The following OS9 variants were observed in gnomAD, a reference collection of about 807,000 sequenced individuals.
OS9 encodes the protein protein OS-9.
In OS9, 58 loss-of-function variants were observed where a neutral mutation model predicts 84.7. The ratio of observed to expected loss-of-function variants is 0.68; its 90% CI spans 0.55 to 0.85. OS9 has a LOEUF of 0.85. Among genes scored for constraint, OS9 ranks in the 40% least tolerant of loss-of-function variants. The pLI, the probability that OS9 is intolerant of heterozygous loss-of-function variation, is 0.00. For synonymous variants in OS9, 278 were observed against 320.8 expected, an observed-to-expected ratio of 0.87 and a Z score of 1.43; for missense variants, 760 against 850.9, an observed-to-expected ratio of 0.89 and a Z score of 1.33.
chr12:57,695,744 C>G (rs1953806945), intron 2 of OS9, 36 bp from the exon 3 acceptor site: 4 of 1,414,222 alleles, frequency 2.8e-6, no homozygotes, highest in East Asian at 4.6e-5. Flanking sequence ...GATGTCTGCA[C>G]TCCATCCCCC....
At chr12:57,700,127 G>A (rs545425076) in intron 5 of OS9, among the ~76,000 whole-genome samples, 2 of 151,450 alleles carry the variant, frequency 1.3e-5, no homozygotes, top group East Asian at 3.9e-4. Flanking sequence ...AAAAGAAAAA[G>A]AAACTGGAAA....
chr12:57,720,538 G>T lies in OS9; in HGVS notation c.1878+20G>T. ...ATCTTGGTAAGAGGCTTCTACCCCC[G>T]AGTCCTGGCCCCCAGCCCTCCTGGA... On this transcript the variant is annotated intron_variant, in intron 14 of 14. Coordinates refer to ENST00000315970, the MANE Select transcript of OS9 (RefSeq NM_006812.4). 1 of 1,542,156 alleles carries T rather than the reference G, an allele frequency of 6.5e-7. No individual in the cohort carries two copies. Among genetic ancestry groups the T allele is most frequent in the East Asian group, 2.2e-5 (1 of 44,564 alleles).
At chr12:57,697,918 C>CGGA (rs879684185) in intron 5 of OS9, among the ~76,000 whole-genome samples, 22,681 of 74,868 alleles carry the variant, frequency 0.3, 2,797 homozygotes, top group Middle Eastern at 0.38. Context: ...AACACACACA[C>CGGA]ACACATACAC....
At position 57,699,698 on chromosome 12, in the gene OS9, C is replaced by G. The variant is rs567183784; in HGVS notation, c.579+3325C>G. ...ATAAATTCTCTACTTCCAGGCACCC[C>G]TGACCAGTCCTTTGGTTGGACTTAA... On this transcript the variant is annotated intron_variant, in intron 5 of 14. Transcript: ENST00000315970. Among the ~76,000 whole-genome samples, 10 of 152,342 alleles carry G rather than the reference C, an allele frequency of 6.6e-5. No homozygotes were observed. In the South Asian group the frequency reaches 2.1e-3, roughly 32 times the overall value.
In OS9 at chr12:57,694,171, G is replaced by C; in HGVS notation, c.10G>C (p.Glu4Gln). The change falls in exon 1 of 15, where the codon GAA (glutamate) becomes CAA (glutamine). Residue 4 changes from glutamate to glutamine, a missense_variant. By Grantham distance (29) the Glu-to-Gln change is conservative (BLOSUM62 2). Coordinates refer to ENST00000315970, the MANE Select transcript of OS9 (RefSeq NM_006812.4). MAA[E>Q]TLLSSLLGLL... Reference sequence around the variant, plus strand: ...AGAAGGGGAACGAAAGATGGCGGCGGAAACGCTGCTGTCCAGTTTGTTAGG... The same window carrying C: ...AGAAGGGGAACGAAAGATGGCGGCGCAAACGCTGCTGTCCAGTTTGTTAGG... The C allele has an allele frequency of 6.2e-7, 1 of 1,614,164 alleles. No individual in the cohort carries two copies. The highest frequency in any genetic ancestry group is 1.1e-5 in the South Asian group (1 of 91,088).
In OS9 at chr12:57,698,175, T is replaced by C. The variant is rs114854405; in HGVS notation, c.579+1802T>C. ...CAAATAGGTACCTAGAAATTATTCA[T>C]TGAATGAATGAAATGACTGACAAGC... On this transcript the variant is annotated intron_variant, in intron 5 of 14. Transcript: ENST00000315970. Among the ~76,000 whole-genome samples the C allele has an allele frequency of 7.8e-3, 1,191 of 152,298 alleles. 17 individuals carry two copies. The highest frequency in any genetic ancestry group is 0.026 in the African/African-American group (1,067 of 41,574).
rs1461177914 is a variant in OS9 at position 57,694,150 on chromosome 12, G to A, written c.-12G>A. ...CGGAAACAGATTCTCTGCATAAGAA[G>A]GGGAACGAAAGATGGCGGCGGAAAC... On this transcript the variant is annotated 5_prime_UTR_variant, in exon 1 of 15. Coordinates refer to ENST00000315970, the MANE Select transcript of OS9 (RefSeq NM_006812.4). 3.1e-6 allele frequency: 5 copies of A among 1,613,966 alleles called. No individual in the cohort carries two copies. The highest frequency in any genetic ancestry group is 1.7e-5 in the Admixed American group (1 of 60,004).
Position 57,720,171 on chromosome 12 carries a change from C to G in OS9, c.1673C>G (p.Thr558Ser), listed in dbSNP as rs1280350150. The G allele has an allele frequency of 1.2e-6, 2 of 1,614,226 alleles. No individual in the cohort carries two copies. The highest frequency in any genetic ancestry group is 1.7e-6 in the Non-Finnish European group (2 of 1,180,040). The change falls in exon 13 of 15, where the codon ACT becomes AGT. Residue 558 changes from threonine (T) to serine (S), a missense_variant. By Grantham distance (58) the Thr-to-Ser change is moderately conservative. Coordinates refer to ENST00000315970, the MANE Select transcript of OS9 (RefSeq NM_006812.4). ...LRLGGPNQDLTVLEMKRENPQ... is the reference protein window; with the variant it reads ...LRLGGPNQDLSVLEMKRENPQ... ...CTCGGAGGCCCTAATCAGGATCTGACTGTCCTCGAGATGAAACGGGAAAAC... is the reference window on the plus strand; with the variant it reads ...CTCGGAGGCCCTAATCAGGATCTGAGTGTCCTCGAGATGAAACGGGAAAAC...
intron 5 of OS9, among the ~76,000 whole-genome samples, chr12:57,699,859 G>A (rs1273811097): frequency 6.6e-6 from 1 of 152,192 alleles, no homozygotes; most frequent in East Asian, 1.9e-4. Context: ...ACTTTGGGAG[G>A]CCAAGGCAGG....
At chr12:57,709,908 A>G (rs1387348121) in intron 5 of OS9, among the ~76,000 whole-genome samples, 1 of 151,356 alleles carries the variant, frequency 6.6e-6, no homozygotes, top group African/African-American at 2.4e-5. Context: ...GCTGGAGTGC[A>G]GTGGCATGAT....
In OS9 at chr12:57,718,989, C is replaced by T; in HGVS notation, c.1411-4C>T. On this transcript the variant is annotated splice_polypyrimidine_tract_variant and splice_region_variant and intron_variant, in intron 11 of 14. Coordinates refer to ENST00000315970, the MANE Select transcript of OS9 (RefSeq NM_006812.4). ...GACTCACTCTCTTCTCTTGGGTATTCCAGACAGAGAAAGAGCTGGACCCAG... is the reference window on the plus strand; with the variant it reads ...GACTCACTCTCTTCTCTTGGGTATTTCAGACAGAGAAAGAGCTGGACCCAG... 6.2e-7 allele frequency: 1 copy of T among 1,611,400 alleles called. No individual in the cohort carries two copies. The highest frequency in any genetic ancestry group is 8.5e-7 in the Non-Finnish European group (1 of 1,178,494).
chr12:57,714,639 G>T (rs1266894444), intron 5 of OS9, among the ~76,000 whole-genome samples: 1 of 152,150 alleles, frequency 6.6e-6, no homozygotes, highest in Non-Finnish European at 1.5e-5. Flanking sequence ...TTCCACACGG[G>T]TTGGAATGCA....
At chr12:57,707,444 G>A (rs936015237) in intron 5 of OS9, among the ~76,000 whole-genome samples, 2 of 152,204 alleles carry the variant, frequency 1.3e-5, no homozygotes, top group Non-Finnish European at 2.9e-5. Flanking sequence ...AGTCTCACAT[G>A]GTGGAAGCAG....
chr12:57,721,063 C>A lies in OS9; in HGVS notation c.*154C>A. ...GGGCAACTCTGTGGGTGTGGGGGCC[C>A]TGGGTGAATGCTGCTGCCCCTGCTG... On this transcript the variant is annotated 3_prime_UTR_variant, in exon 15 of 15. Transcript: ENST00000315970. The A allele has an allele frequency of 2.5e-6, 2 of 805,930 alleles. No individual in the cohort carries two copies. The highest frequency in any genetic ancestry group is 3.9e-6 in the Non-Finnish European group (2 of 510,064). The allele number at this position is 805,930 out of a possible 1,614,324, so 49.9% of individuals were successfully genotyped here.
Position 57,720,090 on chromosome 12 carries a change from C to A in OS9, c.1601-9C>A. 6.2e-7 allele frequency: 1 copy of A among 1,612,364 alleles called. No individual in the cohort carries two copies. The highest frequency in any genetic ancestry group is 1.1e-5 in the South Asian group (1 of 90,982). Reference sequence around the variant, plus strand: ...GCTTTGTGTTTCCCTGTGTGTCTCCCCCTCTAAGAGGAGGATCCTGAGCAC... The same window carrying A: ...GCTTTGTGTTTCCCTGTGTGTCTCCACCTCTAAGAGGAGGATCCTGAGCAC... On this transcript the variant is annotated splice_polypyrimidine_tract_variant and intron_variant, in intron 12 of 14. Coordinates refer to ENST00000315970, the MANE Select transcript of OS9 (RefSeq NM_006812.4).
At chr12:57,695,135 G>T in intron 2 of OS9, 1 of 577,326 alleles carries the variant, frequency 1.7e-6, no homozygotes. Context: ...GGTTAGGATA[G>T]AAGATCTCAG....
intron 5 of OS9, among the ~76,000 whole-genome samples, chr12:57,705,162 C>T (rs1382735937): frequency 6.6e-6 from 1 of 152,146 alleles, no homozygotes; most frequent in African/African-American, 2.4e-5. Flanking sequence ...TTTCATAAAT[C>T]TTGGTATCTG....
chr12:57,702,582 G>C (rs1439360780), intron 5 of OS9, among the ~76,000 whole-genome samples: 1 of 152,052 alleles, frequency 6.6e-6, no homozygotes, highest in Middle Eastern at 3.2e-3. Flanking sequence ...AATTCTTTTG[G>C]GTCTGTACCT....
chr12:57,696,427 A>C, intron 5 of OS9, 54 bp downstream of exon 5: 5 of 529,468 alleles, frequency 9.4e-6, no homozygotes, highest in Non-Finnish European at 1.5e-5. Context: ...TCAGATTCTA[A>C]GGGAAGAGGG....
Sources: allele counts gnomAD v4.1 joint callset (sites outside exome capture counted in the v4.1 genomes callset), GRCh38; gene constraint gnomAD v4.1.1; transcripts MANE v1.5; gene names NCBI Gene and HGNC (gene_info 2026-07-23, HGNC 2026-07-21).